The following ZKSCAN8 variants were observed in gnomAD, a reference collection of about 807,000 sequenced individuals.
The protein encoded by ZKSCAN8 is zinc finger protein with KRAB and SCAN domains 8.
A neutral mutation model predicts 57.2 loss-of-function variants in ZKSCAN8; 27 were observed. That is an observed-to-expected ratio of 0.47 (90% CI 0.35 to 0.65). The LOEUF (loss-of-function observed/expected upper bound fraction) is 0.65. Among genes scored for constraint, ZKSCAN8 ranks in the 30% least tolerant of loss-of-function variants. The pLI, the probability that ZKSCAN8 is intolerant of heterozygous loss-of-function variation, is 0.01. For missense variants in ZKSCAN8, 597 were observed against 696.3 expected, an observed-to-expected ratio of 0.86 and a Z score of 1.60; for synonymous variants, 214 against 248.7, an observed-to-expected ratio of 0.86 and a Z score of 1.31.
chr6:28,146,113 C>T (rs566915798), intron 1 of ZKSCAN8, among the ~76,000 whole-genome samples: 13 of 152,248 alleles, frequency 8.5e-5, no homozygotes, highest in Middle Eastern at 6.8e-3. Context: ...TGAAATTGAA[C>T]TTTTTTCGGA....
rs1765230939 is a variant in ZKSCAN8, at chr6:28,142,020, G to C, written c.-102G>C. The C allele has an allele frequency of 2.0e-5, 3 of 152,494 alleles. No individual in the cohort carries two copies. Among genetic ancestry groups the C allele is most frequent in the Admixed American group, 2.0e-4 (3 of 15,286 alleles). 9.4% of individuals were successfully genotyped at this position (152,494 alleles called of 1,614,324 possible). A position where few individuals can be genotyped will look rare whatever the true frequency, so the allele number is the denominator to read the frequency against. The stretch of plus-strand genomic sequence containing the variant: ...CCCTTCCCCACGACGGGGCGCCTCT[G>C]CAACTCACAGTGAGTACGGTCGGGC... On this transcript the variant is annotated 5_prime_UTR_variant, in exon 1 of 6. Coordinates refer to ENST00000330236, the MANE Select transcript of ZKSCAN8 (RefSeq NM_006298.4).
At chr6:28,149,432 A>G (rs1765517020) in intron 2 of ZKSCAN8, 51 bp from the exon 3 acceptor site, 1 of 1,606,388 alleles carries the variant, frequency 6.2e-7, no homozygotes, top group Admixed American at 1.7e-5. Flanking sequence ...TTCATTGTTC[A>G]TTACATTTCG....
chr6:28,143,517 A>G (rs1343948932), intron 1 of ZKSCAN8, among the ~76,000 whole-genome samples: 1 of 152,146 alleles, frequency 6.6e-6, no homozygotes, highest in African/African-American at 2.4e-5. Context: ...AAGTAGTGGG[A>G]TTGCACCTGT....
In ZKSCAN8 at chr6:28,156,012, T is replaced by A. The variant is rs576347524; in HGVS notation, c.*1995T>A. ...GAAATTTTAAGAAACCAGAAACAAGTAAATCTGGTTGTATCTAGATCTTTG... is the reference window on the plus strand; with the variant it reads ...GAAATTTTAAGAAACCAGAAACAAGAAAATCTGGTTGTATCTAGATCTTTG... On this transcript the variant is annotated 3_prime_UTR_variant, in exon 6 of 6. Coordinates refer to ENST00000330236, the MANE Select transcript of ZKSCAN8 (RefSeq NM_006298.4). 1.0e-5 allele frequency: 4 copies of A among 397,004 alleles called. No homozygotes were observed. The highest frequency in any genetic ancestry group is 8.2e-5 in the African/African-American group (4 of 48,732). 24.6% of individuals were successfully genotyped at this position (397,004 alleles called of 1,614,324 possible).
Position 28,156,406 on chromosome 6 carries a change from G to A in ZKSCAN8, c.*2389G>A, listed in dbSNP as rs1479714883. 2.5e-6 allele frequency: 1 copy of A among 392,766 alleles called. No individual in the cohort carries two copies. Among genetic ancestry groups the A allele is most frequent in the African/African-American group, 2.1e-5 (1 of 48,484 alleles). 24.3% of individuals were successfully genotyped at this position (392,766 alleles called of 1,614,324 possible). On this transcript the variant is annotated 3_prime_UTR_variant, in exon 6 of 6. Coordinates refer to ENST00000330236, the MANE Select transcript of ZKSCAN8 (RefSeq NM_006298.4). ...ATTACTTAAATCTCAGAATTACTAA[G>A]CATGTGGCATAAATTTGGAGAAAAT... is the stretch of plus-strand genomic sequence containing the variant.
At chr6:28,152,765 A>G (rs753409299) in intron 5 of ZKSCAN8, among the ~76,000 whole-genome samples, 7 of 152,086 alleles carry the variant, frequency 4.6e-5, no homozygotes, top group Non-Finnish European at 8.8e-5. Context: ...TAGTTCTTTT[A>G]GTAGTTCCAT....
chr6:28,151,970 G>GCTGT, intron 4 of ZKSCAN8, 34 bp downstream of exon 4: 2 of 1,602,634 alleles, frequency 1.2e-6, no homozygotes, highest in Non-Finnish European at 1.7e-6. Context: ...AAACGCCATA[G>GCTGT]CTGTGCTTGT....
In ZKSCAN8 at chr6:28,148,443, C is replaced by G. The variant is rs1765475821; in HGVS notation, c.36C>G (p.Ser12=). The change falls in exon 2 of 6, where the codon TCC becomes TCG. Residue 12 remains serine (S), a synonymous_variant. Transcript: ENST00000330236. The part of the protein sequence containing the change: ...AEESRKPSAP[S]PPDQTPEEDL... ...AATCAAGAAAGCCTTCAGCCCCATCCCCACCAGACCAGACTCCTGAAGAGG... is the reference window on the plus strand; with the variant it reads ...AATCAAGAAAGCCTTCAGCCCCATCGCCACCAGACCAGACTCCTGAAGAGG... 6.2e-7 allele frequency: 1 copy of G among 1,613,934 alleles called. No individual in the cohort carries two copies. Among genetic ancestry groups the G allele is most frequent in the African/African-American group, 1.3e-5 (1 of 74,916 alleles).
At chr6:28,150,835 C>T (rs1469270910) in intron 3 of ZKSCAN8, among the ~76,000 whole-genome samples, 2 of 152,112 alleles carry the variant, frequency 1.3e-5, no homozygotes, top group Non-Finnish European at 2.9e-5. Context: ...GAGACAGAGT[C>T]TCACTCTGTC....
intron 1 of ZKSCAN8, among the ~76,000 whole-genome samples, chr6:28,142,721 C>T (rs2113570800): frequency 6.6e-6 from 1 of 152,234 alleles, no homozygotes; most frequent in African/African-American, 2.4e-5. Flanking sequence ...AAACATATTT[C>T]TGTTGTTTGT....
At chr6:28,152,979 C>T in intron 5 of ZKSCAN8, 77 bp from the exon 6 acceptor site, 1 of 1,557,456 alleles carries the variant, frequency 6.4e-7, no homozygotes, top group Non-Finnish European at 8.7e-7. Context: ...TTTCCCCTAT[C>T]TTCAGTTCCT....
At chr6:28,147,219 TA>T (rs1765427705) in intron 1 of ZKSCAN8, among the ~76,000 whole-genome samples, 1 of 144,764 alleles carries the variant, frequency 6.9e-6, no homozygotes, top group Non-Finnish European at 1.5e-5. Context: ...TTTGAACAAA[TA>T]CTTCACTAAA....
intron 1 of ZKSCAN8, among the ~76,000 whole-genome samples, chr6:28,142,664 A>G (rs903898597): frequency 2.0e-5 from 3 of 152,152 alleles, no homozygotes; most frequent in African/African-American, 7.2e-5. Flanking sequence ...CTGGTTAGTC[A>G]TGAGTAATTT....
In ZKSCAN8 at chr6:28,153,296, G is replaced by A. The variant is rs766430041; in HGVS notation, c.1016G>A (p.Arg339His). Reference protein sequence around the residue: ...KSFAQSSGLVRHWRIHTGEKP... With the variant: ...KSFAQSSGLVHHWRIHTGEKP... ...TTTGCTCAGAGCTCAGGCCTTGTTC[G>A]CCACTGGAGAATCCACACTGGGGAG... Residue 339 changes from arginine to histidine, a missense_variant, in exon 6 of 6, where the codon CGC (arginine) becomes CAC (histidine). Physicochemically the swap from Arg to His is conservative, Grantham distance 29. Transcript: ENST00000330236. The A allele has an allele frequency of 6.8e-6, 11 of 1,614,204 alleles. No homozygotes were observed. The highest frequency in any genetic ancestry group is 1.1e-5 in the South Asian group (1 of 91,086).
At position 28,154,062 on chromosome 6, in the gene ZKSCAN8, A is replaced by G. The variant is rs78334470; in HGVS notation, c.*45A>G. 1,166 of 1,527,858 alleles carry G rather than the reference A, an allele frequency of 7.6e-4. 8 individuals carry two copies. The African/African-American group carries it at 0.013, about 17-fold the overall frequency. 94.6% of individuals were successfully genotyped at this position (1,527,858 alleles called of 1,614,324 possible). A position where few individuals can be genotyped will look rare whatever the true frequency, so the allele number is the denominator to read the frequency against. ...TTGAGCATTATTCAGCATTAGGGAA[A>G]CCACACACTGGTGAGAGGTCTTTCA... On this transcript the variant is annotated 3_prime_UTR_variant, in exon 6 of 6. Coordinates refer to ENST00000330236, the MANE Select transcript of ZKSCAN8 (RefSeq NM_006298.4).
At chr6:28,143,719 A>T (rs1434686234) in intron 1 of ZKSCAN8, among the ~76,000 whole-genome samples, 1 of 152,214 alleles carries the variant, frequency 6.6e-6, no homozygotes, top group Non-Finnish European at 1.5e-5. Flanking sequence ...ATATAACATC[A>T]CATTCTAAAC....
chr6:28,150,929 C>G (rs1463170851), intron 3 of ZKSCAN8, among the ~76,000 whole-genome samples: 2 of 152,094 alleles, frequency 1.3e-5, no homozygotes, highest in Non-Finnish European at 2.9e-5. Flanking sequence ...TCCTCAGCTT[C>G]CCCAGTAGCT....
Position 28,155,934 on chromosome 6 carries a change from CCTTCT to C in ZKSCAN8, c.*1921_*1925del, listed in dbSNP as rs1157710184. On this transcript the variant is annotated 3_prime_UTR_variant, in exon 6 of 6. Coordinates refer to ENST00000330236, the MANE Select transcript of ZKSCAN8 (RefSeq NM_006298.4). ...GATTATCCTTTATTTTCTTATCCTC[CCTTCT>C]CTTGTTTCTTTTATTTATAAGTTAC... The C allele has an allele frequency of 9.2e-5, 36 of 389,388 alleles. No homozygotes were observed. The highest frequency in any genetic ancestry group is 6.5e-4 in the Middle Eastern group (1 of 1,546). The allele number at this position is 389,388 out of a possible 1,614,324, so 24.1% of individuals were successfully genotyped here.
In ZKSCAN8 at chr6:28,153,649, A is replaced by G. The variant is rs1400778611; in HGVS notation, c.1369A>G (p.Thr457Ala). 1 of 1,614,022 alleles carries G rather than the reference A, an allele frequency of 6.2e-7. No individual in the cohort carries two copies. Among genetic ancestry groups the G allele is most frequent in the Non-Finnish European group, 8.5e-7 (1 of 1,180,020 alleles). ...CCTCATTGGACATCAGAGAATCCACACTGGGGAGAAGCCCTATGAGTGTGA... is the reference window on the plus strand; with the variant it reads ...CCTCATTGGACATCAGAGAATCCACGCTGGGGAGAAGCCCTATGAGTGTGA... ...SHLIGHQRIHTGEKPYECDEC... is the reference protein window; with the variant it reads ...SHLIGHQRIHAGEKPYECDEC... The change falls in exon 6 of 6, where the codon ACT becomes GCT. Residue 457 changes from threonine to alanine, a missense_variant. Thr to Ala is a moderately conservative substitution (Grantham distance 58, BLOSUM62 0). Transcript: ENST00000330236.
Sources: allele counts gnomAD v4.1 joint callset (sites outside exome capture counted in the v4.1 genomes callset), GRCh38; gene constraint gnomAD v4.1.1; transcripts MANE v1.5; gene names NCBI Gene and HGNC (gene_info 2026-07-23, HGNC 2026-07-21).